MXI1: variants seen among roughly 807,000 people sequenced by gnomAD.
MXI1 encodes MAX interactor 1, dimerization protein.
A neutral mutation model predicts 36.9 loss-of-function variants in MXI1; 18 were observed. That is an observed-to-expected ratio of 0.49 (90% CI 0.34 to 0.72). The LOEUF (loss-of-function observed/expected upper bound fraction) is 0.72. MXI1 is among the 30% of genes least tolerant of loss of function. MXI1 has a pLI of 0.01. For missense variants in MXI1, 304 were observed against 379.1 expected, an observed-to-expected ratio of 0.80 and a Z score of 1.64; for synonymous variants, 160 against 146.7, an observed-to-expected ratio of 1.09 and a Z score of -0.65.
At chr10:110,269,947 A>C (rs2134448468) in intron 3 of MXI1, among the ~76,000 whole-genome samples, 1 of 152,360 alleles carries the variant, frequency 6.6e-6, no homozygotes, top group South Asian at 2.1e-4. Flanking sequence ...GCCAAAGAGT[A>C]GAAAAACTGT....
In MXI1 at chr10:110,226,368, T is replaced by TGTGAGGTGCGCGCATGAG. The variant is rs1590337881; in HGVS notation, c.275-1812_275-1795dup. The TGTGAGGTGCGCGCATGAG allele has an allele frequency of 2.3e-6, 3 of 1,296,804 alleles. No homozygotes were observed. The East Asian group carries it at 1.1e-4, about 47-fold the overall frequency. The allele number at this position is 1,296,804 out of a possible 1,614,324, so 80.3% of individuals were successfully genotyped here. The stretch of plus-strand genomic sequence containing the variant: ...TGCGGCCGGTAAGGGAGGGCACGCG[T>TGTGAGGTGCGCGCATGAG]GTGAGGTGCGCGCATGAGGTGAGGT... On this transcript the variant is annotated intron_variant, in intron 1 of 5. Coordinates refer to ENST00000332674, the MANE Select transcript of MXI1 (RefSeq NM_130439.3).
intron 3 of MXI1, among the ~76,000 whole-genome samples, chr10:110,252,172 A>T (rs1057201105): frequency 6.6e-6 from 1 of 152,016 alleles, no homozygotes; most frequent in Non-Finnish European, 1.5e-5. Context: ...CACTATAAAT[A>T]AAAAGTATTT....
intron 2 of MXI1, among the ~76,000 whole-genome samples, chr10:110,237,185 T>G (rs1361868492): frequency 6.6e-6 from 1 of 152,236 alleles, no homozygotes; most frequent in African/African-American, 2.4e-5. Context: ...CATTTCCTTC[T>G]GTGTATTTCC....
At chr10:110,214,575 T>G (rs1854582364) in intron 1 of MXI1, among the ~76,000 whole-genome samples, 2 of 152,082 alleles carry the variant, frequency 1.3e-5, no homozygotes, top group African/African-American at 4.8e-5. Flanking sequence ...GCCACAAAGA[T>G]TTGCATCAGT....
intron 1 of MXI1, among the ~76,000 whole-genome samples, chr10:110,220,096 C>T (rs967859772): frequency 2.5e-4 from 38 of 152,270 alleles, no homozygotes; most frequent in African/African-American, 7.0e-4. Context: ...TGACCTGACG[C>T]GATTGAACAT....
At chr10:110,225,919 A>C in intron 1 of MXI1, 3 of 716,824 alleles carry the variant, frequency 4.2e-6, no homozygotes, top group Non-Finnish European at 4.9e-6. Context: ...TACATTTCCC[A>C]GGGGGCAGAG....
At chr10:110,218,235 G>A (rs1453832367) in intron 1 of MXI1, among the ~76,000 whole-genome samples, 2 of 152,150 alleles carry the variant, frequency 1.3e-5, no homozygotes, top group African/African-American at 2.4e-5. Context: ...CGGATCACGA[G>A]GTCAGGAGAT....
At chr10:110,249,521 A>G (rs909634123) in intron 3 of MXI1, among the ~76,000 whole-genome samples, 15 of 151,508 alleles carry the variant, frequency 9.9e-5, no homozygotes, top group African/African-American at 2.7e-4. Flanking sequence ...AGAGGTTGCA[A>G]TGAGCCAAGA....
chr10:110,255,188 A>G (rs538913473), intron 3 of MXI1, among the ~76,000 whole-genome samples: 4 of 152,336 alleles, frequency 2.6e-5, no homozygotes, highest in Admixed American at 6.5e-5. Flanking sequence ...GCCCTTAAGA[A>G]TGAGGCTAAA....
rs1405989825 is a variant in MXI1 at position 110,208,138 on chromosome 10, C to T, written c.274+56C>T. ...CGCCCGGTTCTTTCTTTCTCGCCCA[C>T]TTGGGCGACCCCTGTTGCGAGCTCG... is the stretch of plus-strand genomic sequence containing the variant. On this transcript the variant is annotated intron_variant, in intron 1 of 5. Transcript: ENST00000332674. 6 of 1,538,458 alleles carry T rather than the reference C, an allele frequency of 3.9e-6. No homozygotes were observed. In the Admixed American group the frequency reaches 1.2e-4, roughly 30 times the overall value.
At chr10:110,216,583 A>C (rs1854639875) in intron 1 of MXI1, among the ~76,000 whole-genome samples, 2 of 151,222 alleles carry the variant, frequency 1.3e-5, no homozygotes. Flanking sequence ...TCTAGCTATC[A>C]TTATAGACAG....
intron 3 of MXI1, among the ~76,000 whole-genome samples, chr10:110,267,388 T>G (rs1381315354): frequency 1.3e-5 from 2 of 152,226 alleles, no homozygotes; most frequent in East Asian, 3.8e-4. Flanking sequence ...TAGTTTTTTC[T>G]GAGCCATCTG....
chr10:110,231,359 T>A (rs1590347227), intron 2 of MXI1, among the ~76,000 whole-genome samples: 1 of 123,634 alleles, frequency 8.1e-6, no homozygotes, highest in African/African-American at 3.3e-5. Flanking sequence ...AGAGTGATAA[T>A]CCACCCCCCC....
chr10:110,252,403 C>A (rs1856126730), intron 3 of MXI1, among the ~76,000 whole-genome samples: 1 of 152,090 alleles, frequency 6.6e-6, no homozygotes, highest in African/African-American at 2.4e-5. Flanking sequence ...TCTGACATTG[C>A]TTCCTTTCCT....
At chr10:110,246,416 T>C (rs1564715307) in intron 3 of MXI1, among the ~76,000 whole-genome samples, 1 of 152,144 alleles carries the variant, frequency 6.6e-6, no homozygotes, top group Non-Finnish European at 1.5e-5. Flanking sequence ...CCTTCAACTT[T>C]TTGTCCTCCC....
intron 1 of MXI1, among the ~76,000 whole-genome samples, chr10:110,227,189 G>A (rs1855068931): frequency 8.8e-6 from 1 of 114,178 alleles, no homozygotes; most frequent in Non-Finnish European, 1.9e-5. Flanking sequence ...GCGCGTGTGC[G>A]GGGAGGGTCG....
intron 3 of MXI1, among the ~76,000 whole-genome samples, 176 bp downstream of exon 3, chr10:110,245,033 A>G (rs1855813767): frequency 6.6e-6 from 1 of 152,200 alleles, no homozygotes; most frequent in African/African-American, 2.4e-5. Flanking sequence ...TAGTAAGCTT[A>G]TAGCAGCTAG....
At chr10:110,209,920 C>T (rs1854465283) in intron 1 of MXI1, among the ~76,000 whole-genome samples, 1 of 151,650 alleles carries the variant, frequency 6.6e-6, no homozygotes, top group African/African-American at 2.4e-5. Flanking sequence ...GGCTTGCCCC[C>T]CTACCCCAGC....
At chr10:110,213,287 G>T (rs1168735714) in intron 1 of MXI1, among the ~76,000 whole-genome samples, 2 of 152,172 alleles carry the variant, frequency 1.3e-5, no homozygotes, top group Admixed American at 6.5e-5. Flanking sequence ...TGTTCAAGCT[G>T]GTCACGTTTT....
Sources: gnomAD v4.1 joint callset for allele counts (sites outside exome capture counted in the v4.1 genomes callset) on GRCh38, gnomAD v4.1.1 for gene constraint, MANE v1.5 for transcripts, NCBI Gene and HGNC (gene_info 2026-07-23, HGNC 2026-07-21) for gene names.